PRICKLE1: variants seen among roughly 807,000 people sequenced by gnomAD.
PRICKLE1 encodes the protein prickle-like protein 1.
In PRICKLE1, 14 loss-of-function variants were observed where a neutral mutation model predicts 70.2. The observed-to-expected ratio is 0.20, with a 90% CI of 0.13 to 0.31. The LOEUF (loss-of-function observed/expected upper bound fraction) is 0.31. Ranked by LOEUF, PRICKLE1 falls within the 10% of genes least tolerant of loss-of-function variation. PRICKLE1 has a pLI of 1.00. For missense variants in PRICKLE1, 821 were observed against 1,026.2 expected, an observed-to-expected ratio of 0.80 and a Z score of 2.73; for synonymous variants, 357 against 379.9, an observed-to-expected ratio of 0.94 and a Z score of 0.70.
intron 1 of PRICKLE1, among the ~76,000 whole-genome samples, chr12:42,577,713 G>T (rs1940826788): frequency 6.6e-6 from 1 of 152,122 alleles, no homozygotes; most frequent in African/African-American, 2.4e-5. Context: ...AAAATTATGT[G>T]ACTCATCTAA....
intron 1 of PRICKLE1, among the ~76,000 whole-genome samples, chr12:42,540,407 G>A (rs1940091038): frequency 6.6e-6 from 1 of 152,166 alleles, no homozygotes; most frequent in Non-Finnish European, 1.5e-5. Context: ...GAAATGGGAA[G>A]GCAAGGAGGA....
intron 1 of PRICKLE1, among the ~76,000 whole-genome samples, chr12:42,506,076 C>T (rs770492229): frequency 6.6e-6 from 1 of 152,098 alleles, no homozygotes; most frequent in Admixed American, 6.6e-5. Context: ...ACCCGGACAT[C>T]GCAAAGTCTT....
At chr12:42,511,843 C>T (rs181761271) in intron 1 of PRICKLE1, among the ~76,000 whole-genome samples, 2 of 152,192 alleles carry the variant, frequency 1.3e-5, no homozygotes, top group Admixed American at 1.3e-4. Context: ...ATATTGTGCT[C>T]TGTACATTTC....
chr12:42,535,325 T>C (rs1401418452), intron 1 of PRICKLE1, among the ~76,000 whole-genome samples: 1 of 152,234 alleles, frequency 6.6e-6, no homozygotes, highest in East Asian at 1.9e-4. Flanking sequence ...TCCACCACGC[T>C]AGCACAAGAT....
At chr12:42,533,490 T>A (rs1939960975) in intron 1 of PRICKLE1, among the ~76,000 whole-genome samples, 2 of 152,200 alleles carry the variant, frequency 1.3e-5, no homozygotes, top group South Asian at 4.1e-4. Flanking sequence ...CATTTGCTCC[T>A]TAAAAGTGGT....
intron 1 of PRICKLE1, among the ~76,000 whole-genome samples, chr12:42,570,929 C>T (rs904149478): frequency 1.3e-5 from 2 of 151,896 alleles, no homozygotes; most frequent in Non-Finnish European, 2.9e-5. Flanking sequence ...AATATTTAGC[C>T]TTATTTTAAA....
chr12:42,521,287 AAAAACTTT>A (rs1484416935), intron 1 of PRICKLE1, among the ~76,000 whole-genome samples: 1 of 152,226 alleles, frequency 6.6e-6, no homozygotes, highest in African/African-American at 2.4e-5. Flanking sequence ...GAATAGTGGC[AAAAACTTT>A]AAGACATTAT....
At chr12:42,495,231 C>CAAAAA (rs1939176158) in intron 1 of PRICKLE1, among the ~76,000 whole-genome samples, 1 of 151,390 alleles carries the variant, frequency 6.6e-6, no homozygotes, top group African/African-American at 2.4e-5. Flanking sequence ...CAAAACAAAA[C>CAAAAA]AAAAATTAGC....
At chr12:42,513,720 C>T (rs559101721) in intron 1 of PRICKLE1, among the ~76,000 whole-genome samples, 1 of 152,192 alleles carries the variant, frequency 6.6e-6, no homozygotes, top group South Asian at 2.1e-4. Context: ...AGGCTGGGTG[C>T]AGCCTATTAT....
chr12:42,528,374 C>T (rs900427633), intron 1 of PRICKLE1, among the ~76,000 whole-genome samples: 5 of 151,774 alleles, frequency 3.3e-5, no homozygotes, highest in Non-Finnish European at 7.4e-5. Flanking sequence ...GAGCCCAGCC[C>T]GAAAAACTAA....
chr12:42,502,624 A>T (rs1669931), intron 1 of PRICKLE1, among the ~76,000 whole-genome samples: 26,394 of 151,732 alleles, frequency 0.17, 3,049 homozygotes, highest in African/African-American at 0.31. Flanking sequence ...GTGGTTTTTT[A>T]AAAAAAATAT....
At chr12:42,497,192 C>A (rs937141002) in intron 1 of PRICKLE1, among the ~76,000 whole-genome samples, 8 of 152,102 alleles carry the variant, frequency 5.3e-5, no homozygotes, top group African/African-American at 1.7e-4. Flanking sequence ...ATAGGGAAAG[C>A]CAAGGAGGAG....
At chr12:42,488,908 C>T (rs534617877) in intron 1 of PRICKLE1, among the ~76,000 whole-genome samples, 1 of 148,786 alleles carries the variant, frequency 6.7e-6, no homozygotes, top group African/African-American at 2.5e-5. Context: ...TAAACCTTTT[C>T]TCTATCAATC....
intron 1 of PRICKLE1, among the ~76,000 whole-genome samples, chr12:42,582,501 C>A (rs868652080): frequency 6.6e-6 from 1 of 152,224 alleles, no homozygotes; most frequent in African/African-American, 2.4e-5. Context: ...ATGTAACATG[C>A]ATATACTTCA....
chr12:42,541,855 T>A (rs1425500747), intron 1 of PRICKLE1, among the ~76,000 whole-genome samples: 2 of 152,078 alleles, frequency 1.3e-5, no homozygotes, highest in African/African-American at 4.8e-5. Flanking sequence ...ACGTTTAAGA[T>A]CATGTTTATG....
intron 1 of PRICKLE1, 100 bp from the exon 2 acceptor site, chr12:42,472,664 G>A: frequency 9.8e-7 from 1 of 1,019,748 alleles, no homozygotes; most frequent in Non-Finnish European, 1.5e-6. Context: ...ACAGACAGCT[G>A]GGCCCAGAGA....
At chr12:42,514,072 A>G (rs1939563248) in intron 1 of PRICKLE1, among the ~76,000 whole-genome samples, 1 of 152,206 alleles carries the variant, frequency 6.6e-6, no homozygotes, top group Non-Finnish European at 1.5e-5. Context: ...GAAGCTATTC[A>G]GTTTAGTACA....
intron 1 of PRICKLE1, among the ~76,000 whole-genome samples, chr12:42,570,902 A>G (rs1212559552): frequency 6.6e-6 from 1 of 152,168 alleles, no homozygotes; most frequent in Non-Finnish European, 1.5e-5. Context: ...AAAATATCCA[A>G]TCAAAATAAA....
chr12:42,516,286 C>T (rs754929832), intron 1 of PRICKLE1, among the ~76,000 whole-genome samples: 1 of 152,102 alleles, frequency 6.6e-6, no homozygotes. Flanking sequence ...TGCCCACCAC[C>T]ACGCCTGGCT....
Sources: allele counts gnomAD v4.1 joint callset (sites outside exome capture counted in the v4.1 genomes callset), GRCh38; gene constraint gnomAD v4.1.1; transcripts MANE v1.5; gene names NCBI Gene and HGNC (gene_info 2026-07-23, HGNC 2026-07-21).